TAFA4: variants seen among roughly 807,000 people sequenced by gnomAD.
The protein encoded by TAFA4 is chemokine-like protein TAFA-4.
TAFA4 carries 20 observed loss-of-function variants against 21.1 expected under a neutral mutation model. That is an observed-to-expected ratio of 0.95 (90% CI 0.67 to 1.38). The LOEUF is 1.38. Ranked by LOEUF, TAFA4 falls within the 40% of genes most tolerant of loss-of-function variation. The probability of loss-of-function intolerance (pLI) is 0.00; values close to 1 mark genes in which losing one functional copy is unlikely to be tolerated. For synonymous variants in TAFA4, 71 were observed against 67.4 expected (o/e 1.05, Z -0.26); for missense variants, 211 against 180.9 (o/e 1.17, Z -0.95).
At chr3:68,798,678 C>T (rs1703506484) in intron 3 of TAFA4, among the ~76,000 whole-genome samples, 1 of 152,088 alleles carries the variant, frequency 6.6e-6, no homozygotes, top group Non-Finnish European at 1.5e-5. Context: ...ATATACCATA[C>T]AATTAAGTCA....
chr3:68,865,930 T>C (rs1024901417), intron 3 of TAFA4, among the ~76,000 whole-genome samples: 5 of 152,082 alleles, frequency 3.3e-5, no homozygotes, highest in African/African-American at 1.2e-4. Context: ...CCAAGCACCA[T>C]GTGCAAAAAA....
chr3:68,796,983 T>A (rs751335988), intron 3 of TAFA4, among the ~76,000 whole-genome samples: 1 of 151,968 alleles, frequency 6.6e-6, no homozygotes, highest in Non-Finnish European at 1.5e-5. Flanking sequence ...AGTAAATAAA[T>A]AAAATAGAAA....
At chr3:68,905,972 C>T (rs1031770365) in intron 1 of TAFA4, among the ~76,000 whole-genome samples, 2 of 152,132 alleles carry the variant, frequency 1.3e-5, no homozygotes, top group Non-Finnish European at 2.9e-5. Context: ...GGGCCTAAAC[C>T]GAAGTGAAAA....
intron 4 of TAFA4, among the ~76,000 whole-genome samples, chr3:68,747,836 G>T (rs1044912791): frequency 2.0e-5 from 3 of 152,086 alleles, no homozygotes; most frequent in Non-Finnish European, 4.4e-5. Flanking sequence ...TTCCCAGAAG[G>T]CAGGAATTAA....
chr3:68,879,146 A>C (rs1287134233), intron 3 of TAFA4, among the ~76,000 whole-genome samples: 2 of 152,194 alleles, frequency 1.3e-5, no homozygotes, highest in Non-Finnish European at 2.9e-5. Flanking sequence ...CCCATGGGAC[A>C]GTGCCAGGAG....
chr3:68,877,119 G>A (rs1316201853), intron 3 of TAFA4, among the ~76,000 whole-genome samples: 14 of 152,098 alleles, frequency 9.2e-5, no homozygotes, highest in Non-Finnish European at 1.9e-4. Context: ...AGCACTTTGG[G>A]AGGCCGAGGT....
At chr3:68,893,277 AT>A (rs2089750728) in intron 1 of TAFA4, among the ~76,000 whole-genome samples, 1 of 152,234 alleles carries the variant, frequency 6.6e-6, no homozygotes, top group Non-Finnish European at 1.5e-5. Context: ...TACATAAAAA[AT>A]ATTTGTAAAC....
intron 4 of TAFA4, among the ~76,000 whole-genome samples, chr3:68,747,867 C>A (rs1236685243): frequency 6.6e-6 from 1 of 152,198 alleles, no homozygotes; most frequent in African/African-American, 2.4e-5. Flanking sequence ...TTGACTTATT[C>A]TAAGGCCTCT....
At position 68,895,501 on chromosome 3, in the gene TAFA4, T is replaced by A. The variant is rs545083339; in HGVS notation, c.-122-10191A>T. ...TGTATATGTGCATGGGTTTGTTTTG[T>A]TTTGATTTGATTAGGTGGGGGAAGT... On this transcript the variant is annotated intron_variant, in intron 1 of 5. Coordinates refer to ENST00000295569, the MANE Select transcript of TAFA4 (RefSeq NM_182522.5). Among the ~76,000 whole-genome samples the A allele has an allele frequency of 2.8e-3, 426 of 152,254 alleles. 3 individuals carry two copies. The highest frequency in any genetic ancestry group is 1.0e-2 in the African/African-American group (414 of 41,534).
chr3:68,775,074 A>G (rs1472642370), intron 3 of TAFA4, among the ~76,000 whole-genome samples: 1 of 152,240 alleles, frequency 6.6e-6, no homozygotes, highest in Non-Finnish European at 1.5e-5. Flanking sequence ...GTTAACTGAC[A>G]TTTGTCAGAC....
intron 3 of TAFA4, among the ~76,000 whole-genome samples, chr3:68,839,031 G>C (rs968792076): frequency 6.6e-6 from 1 of 152,184 alleles, no homozygotes; most frequent in African/African-American, 2.4e-5. Context: ...CTAGGAGGTG[G>C]AGGCTTCAAT....
chr3:68,834,065 G>C (rs1404497732), intron 3 of TAFA4, among the ~76,000 whole-genome samples: 1 of 152,156 alleles, frequency 6.6e-6, no homozygotes, highest in East Asian at 1.9e-4. Flanking sequence ...CAAACCTCAG[G>C]AGCCCCTCCG....
intron 3 of TAFA4, among the ~76,000 whole-genome samples, chr3:68,876,347 T>C (rs2106944452): frequency 6.6e-6 from 1 of 152,334 alleles, no homozygotes; most frequent in Middle Eastern, 3.4e-3. Context: ...CAAATCATTT[T>C]TCAAACGCAT....
At chr3:68,758,469 GCA>G (rs1223617989) in intron 3 of TAFA4, among the ~76,000 whole-genome samples, 1 of 152,108 alleles carries the variant, frequency 6.6e-6, no homozygotes, top group Non-Finnish European at 1.5e-5. Flanking sequence ...GAGTTCCCCT[GCA>G]CACACTCTTG....
At chr3:68,805,766 G>C (rs1703682578) in intron 3 of TAFA4, among the ~76,000 whole-genome samples, 1 of 151,850 alleles carries the variant, frequency 6.6e-6, no homozygotes, top group African/African-American at 2.4e-5. Context: ...GAGAACACAT[G>C]GACACAGGAA....
chr3:68,885,711 A>C (rs183055657), intron 1 of TAFA4, among the ~76,000 whole-genome samples: 1 of 152,344 alleles, frequency 6.6e-6, no homozygotes, highest in African/African-American at 2.4e-5. Flanking sequence ...GGAGCAGTGG[A>C]AAAGCCAGCA....
intron 3 of TAFA4, among the ~76,000 whole-genome samples, chr3:68,879,237 C>A (rs539953114): frequency 1.2e-4 from 18 of 152,036 alleles, no homozygotes; most frequent in African/African-American, 4.3e-4. Context: ...TATAATATAC[C>A]CACAGTAGAG....
At chr3:68,785,300 C>T (rs1370592611) in intron 3 of TAFA4, among the ~76,000 whole-genome samples, 6 of 152,236 alleles carry the variant, frequency 3.9e-5, no homozygotes, top group African/African-American at 1.4e-4. Context: ...GCCAGTCCCG[C>T]ACCATGCGCC....
chr3:68,818,371 G>T (rs1420749884), intron 3 of TAFA4, among the ~76,000 whole-genome samples: 1 of 152,118 alleles, frequency 6.6e-6, no homozygotes, highest in Non-Finnish European at 1.5e-5. Flanking sequence ...CTTCAATAAG[G>T]CTGTTTTGCT....
Sources: allele counts gnomAD v4.1 joint callset (sites outside exome capture counted in the v4.1 genomes callset), GRCh38; gene constraint gnomAD v4.1.1; transcripts MANE v1.5; gene names NCBI Gene and HGNC (gene_info 2026-07-23, HGNC 2026-07-21).